Variants in PIAS2 observed in about 807,000 individuals in gnomAD.
The protein encoded by PIAS2 is protein inhibitor of activated STAT 2.
A neutral mutation model predicts 69.7 loss-of-function variants in PIAS2; 19 were observed. That is an observed-to-expected ratio of 0.27 (90% CI 0.19 to 0.40). The LOEUF (loss-of-function observed/expected upper bound fraction) is 0.40, where lower values mean the gene tolerates loss of function less well. PIAS2 is among the 10% of genes least tolerant of loss of function. The pLI is 1.00. For missense variants in PIAS2, 624 were observed against 757.0 expected (o/e 0.82, Z 2.06); for synonymous variants, 261 against 263.2 (o/e 0.99, Z 0.08).
chr18:46,812,421 G>C lies in PIAS2; in HGVS notation c.*12C>G, dbSNP rs1180942012. Reference sequence around the variant, plus strand: ...TCTGATGAATGATTCCCAGAATCAAGTGAGTCCTCCTTTAGTCCAATGAGA... The same window carrying C: ...TCTGATGAATGATTCCCAGAATCAACTGAGTCCTCCTTTAGTCCAATGAGA... On this transcript the variant is annotated 3_prime_UTR_variant, in exon 14 of 14. Coordinates refer to ENST00000585916, the MANE Select transcript of PIAS2 (RefSeq NM_004671.5). 1 of 1,566,130 alleles carries C rather than the reference G, an allele frequency of 6.4e-7. No individual in the cohort carries two copies.
At chr18:46,873,355 A>T (rs2050661751) in intron 2 of PIAS2, among the ~76,000 whole-genome samples, 1 of 152,228 alleles carries the variant, frequency 6.6e-6, no homozygotes, top group South Asian at 2.1e-4. Context: ...TTAATTGATT[A>T]TCACACAAAG....
intron 2 of PIAS2, among the ~76,000 whole-genome samples, chr18:46,872,470 GAACAAATTTGTACCCCCAA>G (rs2050511184): frequency 1.3e-5 from 2 of 152,158 alleles, no homozygotes; most frequent in Admixed American, 1.3e-4. Context: ...ACAGATTCTA[GAACAAATTTGTACCCCCAA>G]AACACATATG....
intron 2 of PIAS2, among the ~76,000 whole-genome samples, chr18:46,884,499 G>A (rs1479317274): frequency 2.0e-5 from 3 of 151,958 alleles, no homozygotes; most frequent in East Asian, 3.9e-4. Context: ...TTTTAGTAGA[G>A]TCGGGGTTTC....
rs1443593309 is a variant in PIAS2, at chr18:46,890,825, A to G, written c.254T>C (p.Leu85Ser). ...TTCTACAGGTGATGAGCCACCATCCAAACTGAAAACCGATGATTTGATTGT... is the reference window on the plus strand; with the variant it reads ...TTCTACAGGTGATGAGCCACCATCCGAACTGAAAACCGATGATTTGATTGT... ...LSTIKSSVFS[L>S]DGGSSPVEPD... Residue 85 changes from leucine to serine, a missense_variant, in exon 2 of 14, where the codon TTG becomes TCG. Leu to Ser is a moderately radical substitution (Grantham distance 145, BLOSUM62 -2). This residue lies in a region of PIAS2 where 339 missense variants were observed against 408.8 expected (regional missense o/e 0.83). Transcript: ENST00000585916. The G allele has an allele frequency of 1.9e-6, 3 of 1,614,212 alleles. No individual in the cohort carries two copies. In the East Asian group the frequency reaches 6.7e-5, roughly 36 times the overall value.
intron 5 of PIAS2, among the ~76,000 whole-genome samples, chr18:46,849,220 T>A (rs2145323255): frequency 6.6e-6 from 1 of 152,256 alleles, no homozygotes; most frequent in Non-Finnish European, 1.5e-5. Flanking sequence ...CAGAATCATT[T>A]TAGTCTCACT....
chr18:46,896,541 C>T (rs72913096), intron 1 of PIAS2, among the ~76,000 whole-genome samples: 11,708 of 152,212 alleles, frequency 0.077, 486 homozygotes, highest in African/African-American at 0.1. Flanking sequence ...AAAATACATA[C>T]GTGTTAGAAG....
chr18:46,856,274 AC>A (rs1201897902), intron 3 of PIAS2, among the ~76,000 whole-genome samples: 1 of 151,974 alleles, frequency 6.6e-6, no homozygotes, highest in Non-Finnish European at 1.5e-5. Flanking sequence ...GTGTCTCATT[AC>A]AGGCATGAGA....
rs926626183 is a variant in PIAS2, at chr18:46,816,323, C to G, written c.1649-974G>C. Reference sequence around the variant, plus strand: ...TACTAACCAGTATGAATTTATAACTCAAAAAATTTAAGTATATTTATTCTC... The same window carrying G: ...TACTAACCAGTATGAATTTATAACTGAAAAAATTTAAGTATATTTATTCTC... On this transcript the variant is annotated intron_variant, in intron 12 of 13. Coordinates refer to ENST00000585916, the MANE Select transcript of PIAS2 (RefSeq NM_004671.5). 2.5e-5 allele frequency: 24 copies of G among 956,406 alleles called. No homozygotes were observed. The African/African-American group carries it at 3.9e-4, about 15-fold the overall frequency. The allele number at this position is 956,406 out of a possible 1,614,324, so 59.2% of individuals were successfully genotyped here. A position where few individuals can be genotyped will look rare whatever the true frequency, so the allele number is the denominator to read the frequency against.
At chr18:46,905,191 G>T (rs1193478361) in intron 1 of PIAS2, among the ~76,000 whole-genome samples, 1 of 152,060 alleles carries the variant, frequency 6.6e-6, no homozygotes, top group Non-Finnish European at 1.5e-5. Flanking sequence ...ACTCAAACAG[G>T]CTGCCTAACC....
intron 2 of PIAS2, among the ~76,000 whole-genome samples, chr18:46,871,676 C>G (rs567033723): frequency 1.3e-5 from 2 of 152,252 alleles, no homozygotes; most frequent in African/African-American, 4.8e-5. Flanking sequence ...GTTTGTTTCC[C>G]TTTACCTAAT....
At chr18:46,878,499 C>T (rs1416927372) in intron 2 of PIAS2, among the ~76,000 whole-genome samples, 2 of 152,106 alleles carry the variant, frequency 1.3e-5, no homozygotes, top group Non-Finnish European at 2.9e-5. Flanking sequence ...ATAAAACCTG[C>T]CAAGTCATCC....
chr18:46,847,021 G>T (rs2145278677), intron 5 of PIAS2, among the ~76,000 whole-genome samples, 180 bp from the exon 6 acceptor site: 1 of 152,146 alleles, frequency 6.6e-6, no homozygotes, highest in South Asian at 2.1e-4. Flanking sequence ...TTGAAAAAAG[G>T]TTACAAAATA....
rs1389927554 is a variant in PIAS2 at position 46,809,219 on chromosome 18, T to C, written c.*3214A>G. On this transcript the variant is annotated 3_prime_UTR_variant, in exon 14 of 14. Coordinates refer to ENST00000585916, the MANE Select transcript of PIAS2 (RefSeq NM_004671.5). The stretch of plus-strand genomic sequence containing the variant: ...AGCTTTTCTGAAACACATTACCAGA[T>C]AAATGCCATATAACCTAAATTCACC... The C allele has an allele frequency of 6.6e-6, 1 of 152,222 alleles. No homozygotes were observed. Among genetic ancestry groups the C allele is most frequent in the Non-Finnish European group, 1.5e-5 (1 of 68,042 alleles). The allele number at this position is 152,222 out of a possible 1,614,324, so 9.4% of individuals were successfully genotyped here. A position where few individuals can be genotyped will look rare whatever the true frequency, so the allele number is the denominator to read the frequency against.
At chr18:46,879,225 T>A (rs566928322) in intron 2 of PIAS2, among the ~76,000 whole-genome samples, 1 of 152,104 alleles carries the variant, frequency 6.6e-6, no homozygotes, top group South Asian at 2.1e-4. Flanking sequence ...TAAAAACAAC[T>A]CAATTCAAAA....
chr18:46,822,514 G>C (rs755765104), intron 11 of PIAS2, among the ~76,000 whole-genome samples: 1 of 152,084 alleles, frequency 6.6e-6, no homozygotes, highest in African/African-American at 2.4e-5. Context: ...AGTGCTACTC[G>C]AAGACCTAAA....
At position 46,855,447 on chromosome 18, in the gene PIAS2, A is replaced by C. The variant is rs1364626626; in HGVS notation, c.636-12T>G. 4 of 1,602,716 alleles carry C rather than the reference A, an allele frequency of 2.5e-6. No individual in the cohort carries two copies. The highest frequency in any genetic ancestry group is 3.4e-6 in the Non-Finnish European group (4 of 1,171,652). On this transcript the variant is annotated splice_polypyrimidine_tract_variant and intron_variant, in intron 4 of 13. Coordinates refer to ENST00000585916, the MANE Select transcript of PIAS2 (RefSeq NM_004671.5). ...CTGCCAGGCAAAGTCTGCATTAATA[A>C]AAGAAAAAAGTATTCTTAAATAGTG...
At chr18:46,845,865 T>C (rs1338721867) in intron 6 of PIAS2, among the ~76,000 whole-genome samples, 2 of 152,188 alleles carry the variant, frequency 1.3e-5, no homozygotes, top group Admixed American at 6.5e-5. Context: ...TCTACAATCA[T>C]TTATTCCAAT....
At chr18:46,861,831 T>C (rs11877929) in intron 3 of PIAS2, among the ~76,000 whole-genome samples, 11,714 of 152,158 alleles carry the variant, frequency 0.077, 487 homozygotes, top group African/African-American at 0.1. Context: ...TGATTTGGGA[T>C]TGTATCTAGG....
At chr18:46,817,266 T>C (rs2041662188) in intron 12 of PIAS2, 1 of 984,500 alleles carries the variant, frequency 1.0e-6, no homozygotes. Flanking sequence ...ACAATGGTGT[T>C]GGAATATTGT....
Sources: gnomAD v4.1 joint callset for allele counts (sites outside exome capture counted in the v4.1 genomes callset) on GRCh38, gnomAD v4.1.1 for gene constraint, gnomAD v4.1.1 regional missense constraint, MANE v1.5 for transcripts, NCBI Gene and HGNC (gene_info 2026-07-23, HGNC 2026-07-21) for gene names.